MPP3: variants seen among roughly 807,000 people sequenced by gnomAD.
MPP3 encodes MAGUK p55 scaffold protein 3, also known as MAGUK p55 subfamily member 3.
Under a neutral mutation model 80.7 loss-of-function variants are expected in MPP3, and 48 were observed. That is an observed-to-expected ratio of 0.59 (90% CI 0.47 to 0.76). MPP3 has a LOEUF of 0.76. Among genes scored for constraint, MPP3 ranks in the 30% least tolerant of loss-of-function variants. The probability of loss-of-function intolerance (pLI) is 0.00; values close to 1 mark genes in which losing one functional copy is unlikely to be tolerated. For synonymous variants in MPP3, 311 were observed against 297.6 expected (o/e 1.04, Z -0.46); for missense variants, 620 against 763.0 (o/e 0.81, Z 2.21).
chr17:43,825,561 G>T (rs926967264), intron 9 of MPP3, 195 bp downstream of exon 9: 3 of 559,340 alleles, frequency 5.4e-6, no homozygotes, highest in Non-Finnish European at 6.4e-6. Flanking sequence ...GAGGCAGATG[G>T]AAGGGAAGTT....
chr17:43,804,254 T>C (rs540111706), intron 19 of MPP3, among the ~76,000 whole-genome samples: 82 of 152,268 alleles, frequency 5.4e-4, no homozygotes, highest in African/African-American at 1.9e-3. Context: ...GGACCCAGAA[T>C]AGCCAAAACA....
At chr17:43,829,534 C>T (rs1341394621) in intron 7 of MPP3, 120 bp downstream of exon 7, 16 of 1,184,580 alleles carry the variant, frequency 1.4e-5, no homozygotes, top group East Asian at 2.5e-5. Context: ...TGAGCAGCAG[C>T]GCAGGCAAAG....
chr17:43,820,534 G>T (rs1415721865), intron 11 of MPP3, among the ~76,000 whole-genome samples: 3 of 150,692 alleles, frequency 2.0e-5, no homozygotes, highest in Non-Finnish European at 3.0e-5. Context: ...GGAGGTTGCA[G>T]TGAGCTAAGA....
At chr17:43,804,186 A>T (rs1291701203) in intron 19 of MPP3, among the ~76,000 whole-genome samples, 3 of 152,202 alleles carry the variant, frequency 2.0e-5, no homozygotes, top group African/African-American at 7.2e-5. Flanking sequence ...AACAAAACAA[A>T]GCCAATATAG....
At chr17:43,825,901 G>T in intron 8 of MPP3, 60 bp from the exon 9 acceptor site, 1 of 1,091,580 alleles carries the variant, frequency 9.2e-7, no homozygotes, top group Non-Finnish European at 1.4e-6. Context: ...CCCTCGCTCA[G>T]AGCTCCAAGC....
At chr17:43,813,838 T>C (rs1198972718) in intron 16 of MPP3, among the ~76,000 whole-genome samples, 173 bp downstream of exon 16, 3 of 152,162 alleles carry the variant, frequency 2.0e-5, no homozygotes. Context: ...AGAGGACCAC[T>C]GGGAGTGGAT....
chr17:43,803,101 G>A (rs183719094), intron 19 of MPP3, among the ~76,000 whole-genome samples: 12 of 152,198 alleles, frequency 7.9e-5, no homozygotes. Context: ...TATTCTTGCA[G>A]GGCTACTTTC....
chr17:43,832,323 A>G lies in MPP3; in HGVS notation c.-37-380T>C, dbSNP rs950525715. On this transcript the variant is annotated intron_variant, in intron 2 of 19. Coordinates refer to ENST00000398389, the MANE Select transcript of MPP3 (RefSeq NM_001932.6). ...TGGAGGTGCCAAGTGACCCTGCCTGACAGTGTCAGCTGTCCTCCGCAGCGC... is the reference window on the plus strand; with the variant it reads ...TGGAGGTGCCAAGTGACCCTGCCTGGCAGTGTCAGCTGTCCTCCGCAGCGC... 5.6e-5 allele frequency: 15 copies of G among 269,368 alleles called. No individual in the cohort carries two copies. The South Asian group carries it at 5.6e-4, about 10-fold the overall frequency. 16.7% of individuals were successfully genotyped at this position (269,368 alleles called of 1,614,324 possible).
chr17:43,802,122 G>A (rs1011137943), intron 19 of MPP3, among the ~76,000 whole-genome samples: 1 of 152,158 alleles, frequency 6.6e-6, no homozygotes, highest in African/African-American at 2.4e-5. Flanking sequence ...AATACCTCCT[G>A]AGGACCTATG....
rs796998641 is a variant in MPP3 at position 43,819,795 on chromosome 17, T to TA, written c.881+1066dup. Among the ~76,000 whole-genome samples, 809 of 139,966 alleles carry TA rather than the reference T, an allele frequency of 5.8e-3. 5 individuals are homozygous for TA. The highest frequency in any genetic ancestry group is 0.02 in the African/African-American group (747 of 38,150). 91.8% of individuals were successfully genotyped at this position (139,966 alleles called of 152,430 possible). ...GGAAAATACTCACGCCAAAAATGTT[T>TA]AAAAAAAAAAAAAGCAAGACCCCAA... is the stretch of plus-strand genomic sequence containing the variant. On this transcript the variant is annotated intron_variant, in intron 11 of 19. Coordinates refer to ENST00000398389, the MANE Select transcript of MPP3 (RefSeq NM_001932.6).
intron 3 of MPP3, 37 bp from the exon 4 acceptor site, chr17:43,831,714 C>T (rs2045969711): frequency 6.4e-7 from 1 of 1,552,532 alleles, no homozygotes; most frequent in African/African-American, 1.4e-5. Context: ...ATAGCAAACG[C>T]AGTGGGTGCT....
In MPP3 at chr17:43,821,026, A is replaced by C. The variant is rs1257519899; in HGVS notation, c.717T>G (p.Pro239=). 1 of 1,613,830 alleles carries C rather than the reference A, an allele frequency of 6.2e-7. No homozygotes were observed. The change falls in exon 11 of 20, where the codon CCT becomes CCG. Residue 239 remains proline (P), a synonymous_variant. Transcript: ENST00000398389. ...VFMRALFHYN[P]REDRAIPCQE... is the part of the protein sequence containing the mutation. ...GGCAAGGGATGGCCCGGTCCTCCCGAGGGTTGTAGTGGAAGAGGGCGCGCA... is the reference window on the plus strand; with the variant it reads ...GGCAAGGGATGGCCCGGTCCTCCCGCGGGTTGTAGTGGAAGAGGGCGCGCA...
chr17:43,827,329 C>CTTTTTTTTTT (rs1197926220), intron 8 of MPP3, among the ~76,000 whole-genome samples: 1 of 99,010 alleles, frequency 1.0e-5, no homozygotes, highest in Non-Finnish European at 2.0e-5. Context: ...TTTTTTTTTT[C>CTTTTTTTTTT]TTTTTTTTTT....
intron 8 of MPP3, 116 bp from the exon 9 acceptor site, chr17:43,825,957 G>A (rs755263984): frequency 1.5e-6 from 1 of 675,506 alleles, no homozygotes; most frequent in Non-Finnish European, 2.7e-6. Context: ...CCAACTCGAG[G>A]TTTAAAGTTG....
In MPP3 at chr17:43,806,507, C is replaced by A. The variant is rs370028610; in HGVS notation, c.1581+2449G>T. Among the ~76,000 whole-genome samples the A allele has an allele frequency of 7.4e-4, 113 of 152,076 alleles. 3 individuals carry two copies. The South Asian group carries it at 0.023, about 30-fold the overall frequency. The stretch of plus-strand genomic sequence containing the variant: ...AACTGGCTATAATACTTCAATACAT[C>A]CTGTAAGTGTCACATAATGGAGTAT... On this transcript the variant is annotated intron_variant, in intron 19 of 19. Coordinates refer to ENST00000398389, the MANE Select transcript of MPP3 (RefSeq NM_001932.6).
rs766722108 is a variant in MPP3, at chr17:43,816,064, TCA to T, written c.981_982del (p.Cys327Ter). 1.3e-5 allele frequency: 19 copies of T among 1,507,984 alleles called. No homozygotes were observed. The South Asian group carries it at 1.7e-4, about 13-fold the overall frequency. 93.4% of individuals were successfully genotyped at this position (1,507,984 alleles called of 1,614,324 possible). A position where few individuals can be genotyped will look rare whatever the true frequency, so the allele number is the denominator to read the frequency against. ...CACATAGTGCCCTTTGAGGTAGCCCTCACAGTCACAGGTCTCTGGGAAGCAAA... is the reference window on the plus strand; with the variant it reads ...CACATAGTGCCCTTTGAGGTAGCCCTCAGTCACAGGTCTCTGGGAAGCAAA... On this transcript the variant is annotated stop_gained and frameshift_variant, in exon 14 of 20. Coordinates refer to ENST00000398389, the MANE Select transcript of MPP3 (RefSeq NM_001932.6). LOFTEE classifies it high-confidence loss of function.
intron 9 of MPP3, 71 bp downstream of exon 9, chr17:43,825,685 T>C: frequency 1.9e-6 from 2 of 1,071,454 alleles, no homozygotes; most frequent in Non-Finnish European, 1.4e-6. Flanking sequence ...GAATCTGTCC[T>C]GGCTCCAGGA....
intron 14 of MPP3, 171 bp downstream of exon 14, chr17:43,815,867 A>G: frequency 1.4e-6 from 1 of 707,250 alleles, no homozygotes. Context: ...ATGCCTGGGC[A>G]GGCTCAGCTC....
chr17:43,815,583 GAGAC>G (rs1424140847), intron 14 of MPP3: 1 of 300,214 alleles, frequency 3.3e-6, no homozygotes, highest in African/African-American at 2.3e-5. Flanking sequence ...TCCAGCGTGA[GAGAC>G]AGGGCAAAAC....
Sources: allele counts gnomAD v4.1 joint callset (sites outside exome capture counted in the v4.1 genomes callset), GRCh38; gene constraint gnomAD v4.1.1; transcripts MANE v1.5; gene names NCBI Gene and HGNC (gene_info 2026-07-23, HGNC 2026-07-21).